RBPJ: variants seen among roughly 807,000 people sequenced by gnomAD.
RBPJ encodes recombination signal binding protein for immunoglobulin kappa J region, also known as recombining binding protein suppressor of hairless.
In RBPJ, 9 loss-of-function variants were observed where a neutral mutation model predicts 67.8. That is an observed-to-expected ratio of 0.13 (90% confidence interval 0.08 to 0.23). The LOEUF (loss-of-function observed/expected upper bound fraction) is 0.23. RBPJ is among the 10% of genes least tolerant of loss of function. RBPJ has a pLI of 1.00. For missense variants in RBPJ, 305 were observed against 595.6 expected (o/e 0.51, Z 5.08); for synonymous variants, 198 against 203.3 (o/e 0.97, Z 0.22).
intron 1 of RBPJ, chr4:26,362,766 G>A: frequency 2.9e-6 from 2 of 696,038 alleles, no homozygotes; most frequent in Non-Finnish European, 4.7e-6. Flanking sequence ...TTTGATTATA[G>A]ATGTGGTTAT....
chr4:26,398,537 T>C (rs758983312), intron 2 of RBPJ, among the ~76,000 whole-genome samples: 18 of 152,238 alleles, frequency 1.2e-4, no homozygotes, highest in Admixed American at 3.9e-4. Flanking sequence ...ATGGATTAAA[T>C]GTACACTTTA....
chr4:26,269,258 A>C (rs1430097385), intron 1 of RBPJ, among the ~76,000 whole-genome samples: 5 of 149,258 alleles, frequency 3.3e-5, no homozygotes. Context: ...TTATTTATTT[A>C]TTTATTTATT....
chr4:26,359,091 A>AT lies in RBPJ; in HGVS notation c.21-27261dup, dbSNP rs1290967343. Among the ~76,000 whole-genome samples, 9 of 152,334 alleles carry AT rather than the reference A, an allele frequency of 5.9e-5. 1 individual carries two copies. The highest frequency in any genetic ancestry group is 5.2e-4 in the Admixed American group (8 of 15,294). ...TTAACACCTTTGTCAAGGTGCTGTCATAAGTGCTGGAGGTACAGGAATGTA... is the reference window on the plus strand; with the variant it reads ...TTAACACCTTTGTCAAGGTGCTGTCATTAAGTGCTGGAGGTACAGGAATGTA... On this transcript the variant is annotated intron_variant, in intron 1 of 10. Coordinates refer to ENST00000355476, the MANE Select transcript of RBPJ (RefSeq NM_015874.6).
chr4:26,321,089 T>TG (rs1380882020), intron 1 of RBPJ, 41 bp downstream of exon 1: 1 of 1,506,564 alleles, frequency 6.6e-7, no homozygotes, highest in African/African-American at 1.4e-5. Flanking sequence ...CCGGGAAAGT[T>TG]GCGGGCGTCT....
intron 2 of RBPJ, 72 bp from the exon 3 acceptor site, chr4:26,406,103 G>C (rs527334553): frequency 3.6e-5 from 34 of 936,716 alleles, no homozygotes; most frequent in Non-Finnish European, 3.1e-5. Flanking sequence ...TCTCATTACA[G>C]AGCGTAGTAA....
At chr4:26,347,445 G>C (rs1726280592) in intron 1 of RBPJ, among the ~76,000 whole-genome samples, 2 of 152,200 alleles carry the variant, frequency 1.3e-5, no homozygotes, top group African/African-American at 4.8e-5. Context: ...CTCAATAGTA[G>C]AGCATTACAA....
chr4:26,166,428 T>TG (rs1439054658), intron 1 of RBPJ, among the ~76,000 whole-genome samples: 1 of 143,948 alleles, frequency 6.9e-6, no homozygotes, highest in East Asian at 2.0e-4. Flanking sequence ...TGTGAGATGG[T>TG]ATCTCATTGT....
At chr4:26,160,234 A>G (rs1716052236), upstream of RBPJ, among the ~76,000 whole-genome samples, 1 of 152,188 alleles carries the variant, frequency 6.6e-6, no homozygotes, top group African/African-American at 2.4e-5. Context: ...CTTTCTCTTT[A>G]AGGAGATAAT....
chr4:26,164,733 T>C (rs983151752), intron 1 of RBPJ, among the ~76,000 whole-genome samples: 4 of 152,214 alleles, frequency 2.6e-5, no homozygotes, highest in African/African-American at 9.6e-5. Flanking sequence ...TTCATTGTTG[T>C]CATAGAACTG....
chr4:26,270,406 AAAG>A (rs1560237845), intron 1 of RBPJ, among the ~76,000 whole-genome samples: 4 of 67,024 alleles, frequency 6.0e-5, no homozygotes, highest in African/African-American at 8.7e-5. Flanking sequence ...AGAAAGAAAG[AAAG>A]AAAGAAAGAA....
At chr4:26,200,257 A>G (rs1446251439) in intron 1 of RBPJ, among the ~76,000 whole-genome samples, 4 of 152,286 alleles carry the variant, frequency 2.6e-5, no homozygotes, top group South Asian at 2.1e-4. Flanking sequence ...TTGGCATTTT[A>G]CTCTATCATA....
chr4:26,247,921 G>A (rs1719981137), intron 1 of RBPJ, among the ~76,000 whole-genome samples: 1 of 152,138 alleles, frequency 6.6e-6, no homozygotes, highest in African/African-American at 2.4e-5. Context: ...GGATTCAACA[G>A]AAGCCCGATC....
At chr4:26,227,231 G>C (rs189037039) in intron 1 of RBPJ, among the ~76,000 whole-genome samples, 31 of 152,296 alleles carry the variant, frequency 2.0e-4, no homozygotes, top group African/African-American at 7.2e-4. Context: ...TTAACTAACA[G>C]AGAGTTCAAA....
At chr4:26,336,894 T>C (rs1236765139) in intron 1 of RBPJ, among the ~76,000 whole-genome samples, 1 of 152,154 alleles carries the variant, frequency 6.6e-6, no homozygotes, top group Non-Finnish European at 1.5e-5. Flanking sequence ...CCCTAAATTA[T>C]AAATATATTG....
chr4:26,276,272 C>CAA (rs767611317), intron 1 of RBPJ, among the ~76,000 whole-genome samples: 14 of 64,356 alleles, frequency 2.2e-4, no homozygotes, highest in African/African-American at 5.0e-4. Flanking sequence ...GACTCCATCT[C>CAA]AAAAAAAAAA....
the RBPJ span, among the ~76,000 whole-genome samples, chr4:26,157,455 T>C: frequency 6.6e-6 from 1 of 152,230 alleles, no homozygotes; most frequent in East Asian, 1.9e-4. Context: ...ATGAAAAAGA[T>C]AAAAAGGAAA....
At chr4:26,228,764 C>T (rs755721113) in intron 1 of RBPJ, among the ~76,000 whole-genome samples, 2 of 152,234 alleles carry the variant, frequency 1.3e-5, no homozygotes, top group Non-Finnish European at 2.9e-5. Flanking sequence ...TCTCTTCCCT[C>T]TTGCTGGATC....
intron 1 of RBPJ, among the ~76,000 whole-genome samples, chr4:26,226,477 G>GA (rs1719079822): frequency 1.3e-5 from 2 of 152,004 alleles, no homozygotes; most frequent in African/African-American, 4.8e-5. Context: ...CCTGTCTCAA[G>GA]GAAAAAAATA....
chr4:26,331,545 G>A (rs13109842), intron 1 of RBPJ, among the ~76,000 whole-genome samples: 63,592 of 152,016 alleles, frequency 0.42, 15,527 homozygotes, highest in Non-Finnish European at 0.53. Context: ...AGAGTGCGGC[G>A]GCCAGTGTTG....
Sources: allele counts gnomAD v4.1 joint callset (sites outside exome capture counted in the v4.1 genomes callset), GRCh38; gene constraint gnomAD v4.1.1; transcripts MANE v1.5; gene names NCBI Gene and HGNC (gene_info 2026-07-23, HGNC 2026-07-21).